CNTNAP4: variants seen among roughly 807,000 people sequenced by gnomAD.
CNTNAP4 encodes contactin associated protein family member 4, also known as contactin-associated protein-like 4.
A neutral mutation model predicts 148.4 loss-of-function variants in CNTNAP4; 98 were observed. The ratio of observed to expected loss-of-function variants is 0.66; its 90% CI spans 0.56 to 0.78. The LOEUF is 0.78. Among genes scored for constraint, CNTNAP4 ranks in the 30% least tolerant of loss-of-function variants. The pLI, the probability that CNTNAP4 is intolerant of heterozygous loss-of-function variation, is 0.00. For missense variants in CNTNAP4, 1,935 were observed against 1,565.6 expected, an observed-to-expected ratio of 1.24 and a Z score of -3.98; for synonymous variants, 730 against 565.1, an observed-to-expected ratio of 1.29 and a Z score of -4.14.
intron 10 of CNTNAP4, among the ~76,000 whole-genome samples, chr16:76,468,090 T>A (rs1354778920): frequency 2.0e-5 from 3 of 152,156 alleles, no homozygotes; most frequent in Admixed American, 6.5e-5. Context: ...GGTATAAGGA[T>A]GATCAAAGAG....
intron 3 of CNTNAP4, among the ~76,000 whole-genome samples, chr16:76,373,781 G>C (rs183182007): frequency 1.1e-3 from 161 of 151,902 alleles, no homozygotes; most frequent in African/African-American, 3.7e-3. Context: ...TGTAATCCCA[G>C]CTACTTGGGA....
At chr16:76,518,821 C>A (rs74651324) in intron 15 of CNTNAP4, among the ~76,000 whole-genome samples, 3 of 152,134 alleles carry the variant, frequency 2.0e-5, no homozygotes, top group African/African-American at 7.2e-5. Context: ...ATTTTGTATT[C>A]ATTGCCCAAT....
At position 76,521,241 on chromosome 16, in the gene CNTNAP4, A is replaced by C; in HGVS notation, c.2467A>C (p.Thr823Pro). 1 of 1,612,806 alleles carries C rather than the reference A, an allele frequency of 6.2e-7. No homozygotes were observed. Among genetic ancestry groups the C allele is most frequent in the Non-Finnish European group, 8.5e-7 (1 of 1,179,392 alleles). The change falls in exon 16 of 24, where the codon ACA (threonine) becomes CCA (proline). Residue 823 changes from threonine (T) to proline (P), a missense_variant. Physicochemically the swap from Thr to Pro is conservative, Grantham distance 38. Transcript: ENST00000611870. The part of the protein sequence containing the change: ...LSADVSFFFK[T>P]TASSGVFLEN... ...CGCGGATGTATCTTTCTTTTTTAAG[A>C]CAACAGCTTCATCTGGGGTATTTTT...
intron 2 of CNTNAP4, among the ~76,000 whole-genome samples, chr16:76,343,337 C>T (rs1403439406): frequency 6.6e-6 from 1 of 152,120 alleles, no homozygotes; most frequent in Non-Finnish European, 1.5e-5. Flanking sequence ...TTCCATTATA[C>T]ATTACAAATA....
chr16:76,498,123 G>A (rs1351835954), intron 14 of CNTNAP4, among the ~76,000 whole-genome samples: 1 of 152,160 alleles, frequency 6.6e-6, no homozygotes, highest in Non-Finnish European at 1.5e-5. Context: ...AGGCCCAGTG[G>A]CTCACACCTG....
chr16:76,279,964 C>A (rs1484245223), intron 1 of CNTNAP4, among the ~76,000 whole-genome samples: 1 of 152,074 alleles, frequency 6.6e-6, no homozygotes, highest in East Asian at 1.9e-4. Context: ...TATTTCCCAG[C>A]AAGACTGGAA....
intron 2 of CNTNAP4, among the ~76,000 whole-genome samples, chr16:76,353,708 T>C (rs1404014203): frequency 6.6e-6 from 1 of 152,126 alleles, no homozygotes; most frequent in Admixed American, 6.5e-5. Flanking sequence ...ACCCTTATGC[T>C]GTCCTCTGGT....
In CNTNAP4 at chr16:76,558,776, C is replaced by G; in HGVS notation, c.*93C>G. ...AACGAATGCTCTTACACTGAATGTA[C>G]AGGCAGTGGGCTTGCAGCACTGCCA... is the stretch of plus-strand genomic sequence containing the variant. On this transcript the variant is annotated 3_prime_UTR_variant, in exon 24 of 24. Transcript: ENST00000611870. The G allele has an allele frequency of 1.0e-6, 1 of 970,408 alleles. No homozygotes were observed. Among genetic ancestry groups the G allele is most frequent in the African/African-American group, 1.7e-5 (1 of 60,518 alleles). The allele number at this position is 970,408 out of a possible 1,614,324, so 60.1% of individuals were successfully genotyped here.
intron 3 of CNTNAP4, among the ~76,000 whole-genome samples, chr16:76,393,725 A>T (rs553264347): frequency 6.6e-6 from 1 of 152,182 alleles, no homozygotes; most frequent in African/African-American, 2.4e-5. Flanking sequence ...TGTGGGGCAG[A>T]GGGTATCCTG....
At chr16:76,467,314 C>G (rs765664768) in intron 9 of CNTNAP4, 38 bp from the exon 10 acceptor site, 17 of 1,574,142 alleles carry the variant, frequency 1.1e-5, no homozygotes, top group Non-Finnish European at 1.5e-5. Context: ...AATTCTGATT[C>G]ATTGTGATGC....
intron 2 of CNTNAP4, among the ~76,000 whole-genome samples, chr16:76,342,899 A>T (rs1447177312): frequency 6.6e-6 from 1 of 152,096 alleles, no homozygotes. Context: ...TAGATTCTCC[A>T]TTTTGCTTAT....
intron 12 of CNTNAP4, among the ~76,000 whole-genome samples, chr16:76,488,307 G>A (rs2082096088): frequency 6.6e-6 from 1 of 152,164 alleles, no homozygotes; most frequent in Non-Finnish European, 1.5e-5. Context: ...TAATTTCATT[G>A]GCTGGTAGAT....
At chr16:76,304,321 G>A (rs1960266186) in intron 1 of CNTNAP4, among the ~76,000 whole-genome samples, 1 of 152,122 alleles carries the variant, frequency 6.6e-6, no homozygotes, top group African/African-American at 2.4e-5. Context: ...CAAGGCGACA[G>A]GTAACCTGAT....
In CNTNAP4 at chr16:76,558,734, G is replaced by A. The variant is rs1016489601; in HGVS notation, c.*51G>A. On this transcript the variant is annotated 3_prime_UTR_variant, in exon 24 of 24. Transcript: ENST00000611870. ...TTATGATAGTTTGTTTTAATAGCCA[G>A]GGGTTCTCAATGGAAAAACGAATGC... 9.2e-6 allele frequency: 13 copies of A among 1,410,842 alleles called. No homozygotes were observed. Among genetic ancestry groups the A allele is most frequent in the Non-Finnish European group, 1.3e-5 (13 of 1,031,110 alleles). The allele number at this position is 1,410,842 out of a possible 1,614,324, so 87.4% of individuals were successfully genotyped here.
At chr16:76,369,000 A>G (rs970247755) in intron 3 of CNTNAP4, among the ~76,000 whole-genome samples, 2 of 151,956 alleles carry the variant, frequency 1.3e-5, no homozygotes, top group Non-Finnish European at 2.9e-5. Context: ...CTTTCTAAAA[A>G]ACAGTAAAAA....
chr16:76,376,954 TACACATATACATACATGTATGGA>T (rs2144670922), intron 3 of CNTNAP4, among the ~76,000 whole-genome samples: 1 of 146,144 alleles, frequency 6.8e-6, no homozygotes, highest in East Asian at 2.0e-4. Context: ...TGTGTGTGTG[TACACATATACATACATGTATGGA>T]GGTTGGGAGA....
chr16:76,445,553 C>T (rs1224067009), intron 4 of CNTNAP4, among the ~76,000 whole-genome samples: 1 of 152,094 alleles, frequency 6.6e-6, no homozygotes, highest in Non-Finnish European at 1.5e-5. Flanking sequence ...TAAGAGTATG[C>T]AATTGCTTTA....
intron 1 of CNTNAP4, among the ~76,000 whole-genome samples, chr16:76,304,727 C>G (rs1290518910): frequency 6.6e-6 from 1 of 152,140 alleles, no homozygotes; most frequent in Non-Finnish European, 1.5e-5. Flanking sequence ...CTGCTTTTGA[C>G]CAATCAGTGG....
chr16:76,528,520 C>G (rs912473094), intron 17 of CNTNAP4, among the ~76,000 whole-genome samples: 6 of 152,182 alleles, frequency 3.9e-5, no homozygotes, highest in African/African-American at 1.4e-4. Context: ...CCGCCTTGGC[C>G]TCCCAAAATG....
Sources: allele counts gnomAD v4.1 joint callset (sites outside exome capture counted in the v4.1 genomes callset), GRCh38; gene constraint gnomAD v4.1.1; transcripts MANE v1.5; gene names NCBI Gene and HGNC (gene_info 2026-07-23, HGNC 2026-07-21).